Variants in FAM78B observed in about 807,000 individuals in gnomAD.
The protein encoded by FAM78B is protein FAM78B.
FAM78B carries 10 observed loss-of-function variants against 20.0 expected under a neutral mutation model. That is an observed-to-expected ratio of 0.50 (90% CI 0.31 to 0.85). The LOEUF (loss-of-function observed/expected upper bound fraction) is 0.85, where lower values mean the gene tolerates loss of function less well. FAM78B is among the 40% of genes least tolerant of loss of function. The pLI is 0.05. For missense variants in FAM78B, 283 were observed against 345.0 expected (o/e 0.82, Z 1.42); for synonymous variants, 135 against 132.8 (o/e 1.02, Z -0.12).
chr1:166,082,621 A>G (rs1052284863), intron 1 of FAM78B: 7 of 152,268 alleles, frequency 4.6e-5, no homozygotes, highest in Non-Finnish European at 8.8e-5. Context: ...ACTAGACTGC[A>G]TGCGTCCTGA....
chr1:166,080,632 C>T (rs1007081178), intron 1 of FAM78B, among the ~76,000 whole-genome samples: 1 of 152,192 alleles, frequency 6.6e-6, no homozygotes, highest in African/African-American at 2.4e-5. Context: ...ATGGCTGGAA[C>T]CTAAGGCTCT....
intron 1 of FAM78B, among the ~76,000 whole-genome samples, chr1:166,145,648 C>G (rs1035010990): frequency 2.0e-5 from 3 of 152,226 alleles, no homozygotes; most frequent in Non-Finnish European, 4.4e-5. Context: ...AGCAAAACAT[C>G]TAGTCTTGGA....
chr1:166,097,205 A>G (rs1653318151), intron 1 of FAM78B, among the ~76,000 whole-genome samples: 1 of 152,248 alleles, frequency 6.6e-6, no homozygotes, highest in South Asian at 2.1e-4. Flanking sequence ...AAGCAGCAGA[A>G]AGGCCCTGGG....
chr1:166,113,902 G>A (rs1176146244), intron 1 of FAM78B, among the ~76,000 whole-genome samples: 1 of 152,212 alleles, frequency 6.6e-6, no homozygotes, highest in Non-Finnish European at 1.5e-5. Context: ...CAGGGGCAGT[G>A]TCAGGGTCCA....
At chr1:166,129,453 C>T (rs1392564822) in intron 1 of FAM78B, among the ~76,000 whole-genome samples, 2 of 152,196 alleles carry the variant, frequency 1.3e-5, no homozygotes, top group African/African-American at 4.8e-5. Context: ...CCCATCTCTG[C>T]AATGAACAAA....
intron 1 of FAM78B, among the ~76,000 whole-genome samples, chr1:166,073,534 CTCTTTTTT>C (rs1652137825): frequency 7.5e-6 from 1 of 134,174 alleles, no homozygotes; most frequent in African/African-American, 2.9e-5. Context: ...TTCTCTTTCT[CTCTTTTTT>C]TTTTTTTTTC....
At chr1:166,157,000 T>C (rs1044357888) in intron 1 of FAM78B, among the ~76,000 whole-genome samples, 2 of 89,904 alleles carry the variant, frequency 2.2e-5, no homozygotes, top group South Asian at 4.2e-4. Flanking sequence ...ACAAGGAGGG[T>C]GACTTCTGAG....
At chr1:166,102,012 C>T (rs1308953810) in intron 1 of FAM78B, among the ~76,000 whole-genome samples, 8 of 152,160 alleles carry the variant, frequency 5.3e-5, no homozygotes, top group African/African-American at 1.2e-4. Context: ...GCTGAACTCT[C>T]GGCAGAAACT....
chr1:166,057,874 T>C (rs1042952187), exon 3 of FAM78B: 4 of 152,074 alleles, frequency 2.6e-5, no homozygotes, highest in Non-Finnish European at 4.4e-5. Context: ...GTGGGCCAGA[T>C]GGCTGGCAGC....
intron 1 of FAM78B, among the ~76,000 whole-genome samples, chr1:166,078,646 T>G (rs1032910505): frequency 1.3e-5 from 2 of 152,128 alleles, no homozygotes; most frequent in Admixed American, 6.6e-5. Context: ...CAGAGCAACT[T>G]CTCTGAAAAG....
chr1:166,085,155 G>A (rs542970531), intron 1 of FAM78B, among the ~76,000 whole-genome samples: 1 of 152,268 alleles, frequency 6.6e-6, no homozygotes, highest in South Asian at 2.1e-4. Context: ...CTCATCTCAT[G>A]GACTGTTTTA....
Position 166,070,431 on chromosome 1 carries a change from A to G in FAM78B, c.596T>C (p.Val199Ala), listed in dbSNP as rs765220169. 6.2e-7 allele frequency: 1 copy of G among 1,614,200 alleles called. No homozygotes were observed. Among genetic ancestry groups the G allele is most frequent in the South Asian group, 1.1e-5 (1 of 91,074 alleles). ...IKWRMRVDIEVDPLQLLGQRA... is the reference protein window; with the variant it reads ...IKWRMRVDIEADPLQLLGQRA... ...CTGCCCCAAGAGCTGAAGAGGGTCCACTTCAATGTCCACCCTCATCCTCCA... is the reference window on the plus strand; with the variant it reads ...CTGCCCCAAGAGCTGAAGAGGGTCCGCTTCAATGTCCACCCTCATCCTCCA... Residue 199 changes from valine (V) to alanine (A), a missense_variant, in exon 2 of 2, where the codon GTG (valine) becomes GCG (alanine). Coordinates refer to ENST00000354422, the MANE Select transcript of FAM78B (RefSeq NM_001017961.5).
chr1:166,129,417 C>T (rs1654788479), intron 1 of FAM78B, among the ~76,000 whole-genome samples: 1 of 152,248 alleles, frequency 6.6e-6, no homozygotes, highest in Middle Eastern at 3.4e-3. Context: ...ATAAATAGTC[C>T]TTAAACGATA....
At position 166,070,418 on chromosome 1, in the gene FAM78B, C is replaced by T. The variant is rs762147950; in HGVS notation, c.609G>A (p.Gln203=). Residue 203 remains glutamine (Q), a synonymous_variant, in exon 2 of 2, where the codon CAG becomes CAA. Transcript: ENST00000354422. Reference sequence around the variant, plus strand: ...CCAGCCGGGCCCGCTGCCCCAAGAGCTGAAGAGGGTCCACTTCAATGTCCA... The same window carrying T: ...CCAGCCGGGCCCGCTGCCCCAAGAGTTGAAGAGGGTCCACTTCAATGTCCA... The part of the protein sequence containing the change: ...MRVDIEVDPL[Q]LLGQRARLVG... The T allele has an allele frequency of 6.2e-7, 1 of 1,614,216 alleles. No individual in the cohort carries two copies. The highest frequency in any genetic ancestry group is 8.5e-7 in the Non-Finnish European group (1 of 1,180,036).
rs558824922 is a variant in FAM78B at position 166,113,277 on chromosome 1, G to T, written c.264-42514C>A. 1.1e-4 allele frequency among the ~76,000 whole-genome samples: 17 copies of T among 152,294 alleles called. No homozygotes were observed. The South Asian group carries it at 3.5e-3, about 32-fold the overall frequency. On this transcript the variant is annotated intron_variant, in intron 1 of 1. Coordinates refer to ENST00000354422, the MANE Select transcript of FAM78B (RefSeq NM_001017961.5). ...CCTTACAGACTTCCTGGGAGAAAAA[G>T]ACTTACTTTCCAGGGGGATAATGTT...
intron 1 of FAM78B, among the ~76,000 whole-genome samples, chr1:166,085,094 C>T (rs1278348127): frequency 1.3e-5 from 2 of 152,190 alleles, no homozygotes; most frequent in East Asian, 3.9e-4. Flanking sequence ...CTCTTGGGGC[C>T]CTCCGCCATT....
chr1:166,127,932 T>C (rs1654702249), intron 1 of FAM78B, among the ~76,000 whole-genome samples: 1 of 152,218 alleles, frequency 6.6e-6, no homozygotes, highest in Non-Finnish European at 1.5e-5. Context: ...CTGACGATTA[T>C]TTTAGAAGTA....
intron 1 of FAM78B, among the ~76,000 whole-genome samples, chr1:166,105,375 A>C (rs1653728343): frequency 6.6e-6 from 1 of 152,048 alleles, no homozygotes; most frequent in Non-Finnish European, 1.5e-5. Flanking sequence ...TAAACTAAAG[A>C]GCTTCTGCAC....
intron 2 of FAM78B, among the ~76,000 whole-genome samples, chr1:166,063,910 G>A (rs1427488224): frequency 6.6e-6 from 1 of 152,250 alleles, no homozygotes; most frequent in Non-Finnish European, 1.5e-5. Flanking sequence ...ATGTGGGCCT[G>A]GAGGCAGAGG....
Sources: allele counts gnomAD v4.1 joint callset (sites outside exome capture counted in the v4.1 genomes callset), GRCh38; gene constraint gnomAD v4.1.1; transcripts MANE v1.5; gene names NCBI Gene and HGNC (gene_info 2026-07-23, HGNC 2026-07-21).